Variants in ZNF850 observed in about 807,000 individuals in gnomAD.
The protein encoded by ZNF850 is putative zinc finger protein ENSP00000330994.
Under a neutral mutation model 11.9 loss-of-function variants are expected in ZNF850, and 2 were observed. That is an observed-to-expected ratio of 0.17 (90% CI 0.07 to 0.53). ZNF850 has a LOEUF of 0.53. Ranked by LOEUF, ZNF850 falls within the 20% of genes least tolerant of loss-of-function variation. The pLI is 0.94. For missense variants in ZNF850, 1,014 were observed against 1,316.4 expected (o/e 0.77, Z 3.55); for synonymous variants, 381 against 443.0 (o/e 0.86, Z 1.76).
At position 36,747,733 on chromosome 19, in the gene ZNF850, T is replaced by C. The variant is rs998484176; in HGVS notation, c.*34A>G. The stretch of plus-strand genomic sequence containing the variant: ...ACATATGGAATCTGCTGATGATCCA[T>C]GACAAATGGCATGAGAACAGTTTCC... On this transcript the variant is annotated 3_prime_UTR_variant, in exon 5 of 5. Transcript: ENST00000591344. 14 of 1,458,102 alleles carry C rather than the reference T, an allele frequency of 9.6e-6. No homozygotes were observed. The African/African-American group carries it at 9.9e-5, about 10-fold the overall frequency. The allele number at this position is 1,458,102 out of a possible 1,614,324, so 90.3% of individuals were successfully genotyped here.
At chr19:36,764,298 AC>A (rs1291342454) in intron 1 of ZNF850, among the ~76,000 whole-genome samples, 1 of 152,204 alleles carries the variant, frequency 6.6e-6, no homozygotes, top group African/African-American at 2.4e-5. Context: ...GTATGAATAA[AC>A]TGCACACAGG....
chr19:36,748,600 G>T lies in ZNF850; in HGVS notation c.2440C>A (p.His814Asn). 1 of 1,536,654 alleles carries T rather than the reference G, an allele frequency of 6.5e-7. No individual in the cohort carries two copies. The highest frequency in any genetic ancestry group is 8.7e-7 in the Non-Finnish European group (1 of 1,146,760). ...AAAGATTTCCCACATTCCTTGCAAT[G>T]ATAAGGTTTCTCACCAGTGTGAAGT... is the stretch of plus-strand genomic sequence containing the variant. ...QPLHTGEKPYHCKECGKSFTL... is the reference protein window; with the variant it reads ...QPLHTGEKPYNCKECGKSFTL... Residue 814 changes from histidine (H) to asparagine (N), a missense_variant, in exon 5 of 5, where the codon CAT becomes AAT. Physicochemically the swap from His to Asn is moderately conservative, Grantham distance 68. This residue lies in a region of ZNF850 where 835 missense variants were observed against 1,022.0 expected (regional missense o/e 0.82). Transcript: ENST00000591344.
chr19:36,760,032 C>G (rs2040508907), intron 4 of ZNF850, among the ~76,000 whole-genome samples: 1 of 152,220 alleles, frequency 6.6e-6, no homozygotes, highest in Non-Finnish European at 1.5e-5. Flanking sequence ...ACCTTTTCCT[C>G]CTAAAAGCAG....
Position 36,745,322 on chromosome 19 carries a change from T to C in ZNF850, c.*2445A>G, listed in dbSNP as rs748191604. On this transcript the variant is annotated 3_prime_UTR_variant, in exon 5 of 5. Transcript: ENST00000591344. The stretch of plus-strand genomic sequence containing the variant: ...ATGAAATACAACAATCCGAAGTGCA[T>C]AGACGATGAGGTAAGATTTTTTTCA... 2.0e-5 allele frequency: 3 copies of C among 152,146 alleles called. No individual in the cohort carries two copies. Among genetic ancestry groups the C allele is most frequent in the East Asian group, 3.8e-4 (2 of 5,196 alleles). 9.4% of individuals were successfully genotyped at this position (152,146 alleles called of 1,614,324 possible). A position where few individuals can be genotyped will look rare whatever the true frequency, so the allele number is the denominator to read the frequency against.
chr19:36,760,821 C>T (rs1001106350), intron 4 of ZNF850, among the ~76,000 whole-genome samples: 1 of 151,928 alleles, frequency 6.6e-6, no homozygotes, highest in African/African-American at 2.4e-5. Context: ...GCCAATATTG[C>T]ACCACTGCAC....
In ZNF850 at chr19:36,743,978, C is replaced by T. The variant is rs1250282511; in HGVS notation, c.*3789G>A. The T allele has an allele frequency of 2.0e-5, 3 of 152,070 alleles. No individual in the cohort carries two copies. The highest frequency in any genetic ancestry group is 7.3e-5 in the African/African-American group (3 of 41,370). 9.4% of individuals were successfully genotyped at this position (152,070 alleles called of 1,614,324 possible). ...GTCAGATCACCTGAGGTCTGGAGTTCAAGCCCAGCCTCAACATGGAGAAAC... is the reference window on the plus strand; with the variant it reads ...GTCAGATCACCTGAGGTCTGGAGTTTAAGCCCAGCCTCAACATGGAGAAAC... On this transcript the variant is annotated 3_prime_UTR_variant, in exon 5 of 5. Transcript: ENST00000591344.
Position 36,749,432 on chromosome 19 carries a change from C to A in ZNF850, c.1608G>T (p.Lys536Asn). The part of the protein sequence containing the change: ...IHTGEKPYHC[K>N]ECGKSFTFRS... Reference sequence around the variant, plus strand: ...GAAAAGTAAAAGATTTTCCACATTCCTTACAATGATAGGGTTTCTCACCAG... The same window carrying A: ...GAAAAGTAAAAGATTTTCCACATTCATTACAATGATAGGGTTTCTCACCAG... Residue 536 changes from lysine (K) to asparagine (N), a missense_variant, in exon 5 of 5, where the codon AAG becomes AAT. Physicochemically the swap from Lys to Asn is moderately conservative, Grantham distance 94. This residue lies in a region of ZNF850 where 835 missense variants were observed against 1,022.0 expected (regional missense o/e 0.82). Transcript: ENST00000591344. The A allele has an allele frequency of 6.5e-7, 1 of 1,549,738 alleles. No individual in the cohort carries two copies.
rs1358260274 is a variant in ZNF850 at position 36,744,759 on chromosome 19, T to G, written c.*3008A>C. The G allele has an allele frequency of 1.3e-5, 2 of 152,202 alleles. No individual in the cohort carries two copies. The highest frequency in any genetic ancestry group is 2.9e-5 in the Non-Finnish European group (2 of 68,046). 9.4% of individuals were successfully genotyped at this position (152,202 alleles called of 1,614,324 possible). ...AATAATAAATGACAGAGTAAGAATTTGAGAACAAACATTTGATTTGTTTCC... is the reference window on the plus strand; with the variant it reads ...AATAATAAATGACAGAGTAAGAATTGGAGAACAAACATTTGATTTGTTTCC... On this transcript the variant is annotated 3_prime_UTR_variant, in exon 5 of 5. Transcript: ENST00000591344.
chr19:36,748,902 C>A lies in ZNF850; in HGVS notation c.2138G>T (p.Cys713Phe). Residue 713 changes from cysteine (C) to phenylalanine (F), a missense_variant, in exon 5 of 5, where the codon TGC becomes TTC. Physicochemically the swap from Cys to Phe is radical, Grantham distance 205. Transcript: ENST00000591344. ...CKECGKSFTF[C>F]SGLIQHQQNH... ...TTGCTGATGTTGAATTAGTCCTGAG[C>A]AGAAAGTAAAAGATTTCCCACATTC... 1.3e-6 allele frequency: 2 copies of A among 1,559,550 alleles called. No homozygotes were observed. The highest frequency in any genetic ancestry group is 3.3e-4 in the Middle Eastern group (2 of 6,004).
At chr19:36,764,018 G>A (rs1028531480) in intron 1 of ZNF850, among the ~76,000 whole-genome samples, 9 of 151,996 alleles carry the variant, frequency 5.9e-5, no homozygotes, top group African/African-American at 2.2e-4. Flanking sequence ...AGGCTGAGTC[G>A]GGCGGATCAC....
intron 1 of ZNF850, among the ~76,000 whole-genome samples, chr19:36,771,789 C>T (rs2040585778): frequency 6.6e-6 from 1 of 152,192 alleles, no homozygotes; most frequent in Non-Finnish European, 1.5e-5. Flanking sequence ...ACATTCCACC[C>T]GGGTTTGGGC....
chr19:36,768,545 A>G (rs2040561900), intron 1 of ZNF850, among the ~76,000 whole-genome samples: 2 of 152,184 alleles, frequency 1.3e-5, no homozygotes, highest in South Asian at 2.1e-4. Context: ...TTCCCTATCT[A>G]TGAAAGCTAA....
intron 2 of ZNF850, 68 bp downstream of exon 2, chr19:36,762,527 C>T (rs2040525530): frequency 2.6e-6 from 4 of 1,535,982 alleles, no homozygotes; most frequent in Non-Finnish European, 3.5e-6. Flanking sequence ...GGAGAGAATA[C>T]AGTGAGCAGA....
In ZNF850 at chr19:36,749,137, G is replaced by T; in HGVS notation, c.1903C>A (p.His635Asn). Residue 635 changes from histidine to asparagine, a missense_variant, in exon 5 of 5, where the codon CAT becomes AAT. This residue lies in a region of ZNF850 where 835 missense variants were observed against 1,022.0 expected (regional missense o/e 0.82). Transcript: ENST00000591344. ...TTCTCACCAGTATGGATTTGTTGAT[G>T]TTGAGTAAGTCGTAAACGAAGTCTA... ...AFRLRLRLTQ[H>N]QQIHTGEKPY... 1 of 1,603,610 alleles carries T rather than the reference G, an allele frequency of 6.2e-7. No individual in the cohort carries two copies.
At position 36,749,077 on chromosome 19, in the gene ZNF850, C is replaced by A. The variant is rs190568255; in HGVS notation, c.1963G>T (p.Val655Phe). Reference sequence around the variant, plus strand: ...TGTTGGGTGAGTCCTGAGACACTGACAAAGGCTTTCCCACATTCCTGACAT... The same window carrying A: ...TGTTGGGTGAGTCCTGAGACACTGAAAAAGGCTTTCCCACATTCCTGACAT... ...YQCQECGKAF[V>F]SVSGLTQHHR... Residue 655 changes from valine to phenylalanine, a missense_variant, in exon 5 of 5, where the codon GTC becomes TTC. Physicochemically the swap from Val to Phe is conservative, Grantham distance 50. Around this residue, in one of 2 missense-constraint regions of ZNF850, gnomAD observed 835 missense variants for 1,022.0 expected, o/e 0.82. Coordinates refer to ENST00000591344, the MANE Select transcript of ZNF850 (RefSeq NM_001193552.2). The A allele has an allele frequency of 6.2e-7, 1 of 1,602,696 alleles. No individual in the cohort carries two copies. Among genetic ancestry groups the A allele is most frequent in the Non-Finnish European group, 8.5e-7 (1 of 1,176,140 alleles).
At position 36,744,821 on chromosome 19, in the gene ZNF850, G is replaced by A. The variant is rs2145950959; in HGVS notation, c.*2946C>T. ...CAAACCTCAACTGACTACAAATTGA[G>A]ACAAAAGAATCAATTGAGCCGGGCG... On this transcript the variant is annotated 3_prime_UTR_variant, in exon 5 of 5. Coordinates refer to ENST00000591344, the MANE Select transcript of ZNF850 (RefSeq NM_001193552.2). 6.6e-6 allele frequency: 1 copy of A among 152,034 alleles called. No homozygotes were observed. The highest frequency in any genetic ancestry group is 2.1e-4 in the South Asian group (1 of 4,820). 9.4% of individuals were successfully genotyped at this position (152,034 alleles called of 1,614,324 possible).
intron 1 of ZNF850, among the ~76,000 whole-genome samples, chr19:36,764,894 T>C (rs1281333121): frequency 6.6e-6 from 1 of 152,038 alleles, no homozygotes; most frequent in Non-Finnish European, 1.5e-5. Context: ...ACTGTGTTGC[T>C]GAGGCTGGTC....
At chr19:36,764,244 A>AAAAAT (rs1372914205) in intron 1 of ZNF850, among the ~76,000 whole-genome samples, 14 of 152,246 alleles carry the variant, frequency 9.2e-5, no homozygotes, top group Admixed American at 2.0e-4. Context: ...CTCCGTCTCA[A>AAAAAT]AAAATAAAAT....
In ZNF850 at chr19:36,762,304, C is replaced by G; in HGVS notation, c.139+1G>C. Reference sequence around the variant, plus strand: ...AGTTATTTGCGGATAGACATCCTTACCTAGTGAGACCAGGCTGCTGTAGTT... The same window carrying G: ...AGTTATTTGCGGATAGACATCCTTAGCTAGTGAGACCAGGCTGCTGTAGTT... On this transcript the variant is annotated splice_donor_variant, in intron 3 of 4. Coordinates refer to ENST00000591344, the MANE Select transcript of ZNF850 (RefSeq NM_001193552.2). LOFTEE classifies it high-confidence loss of function. 1 of 1,550,436 alleles carries G rather than the reference C, an allele frequency of 6.4e-7. No individual in the cohort carries two copies. The highest frequency in any genetic ancestry group is 1.2e-5 in the South Asian group (1 of 83,512).
Sources: gnomAD v4.1 joint callset for allele counts (sites outside exome capture counted in the v4.1 genomes callset) on GRCh38, gnomAD v4.1.1 for gene constraint, gnomAD v4.1.1 regional missense constraint, MANE v1.5 for transcripts, NCBI Gene and HGNC (gene_info 2026-07-23, HGNC 2026-07-21) for gene names.